Variants in BRCC3 observed in about 807,000 individuals in gnomAD.
BRCC3 encodes BRCA1/BRCA2-containing complex subunit 3, also known as lys-63-specific deubiquitinase BRCC36.
In BRCC3, 15 loss-of-function variants were observed where a neutral mutation model predicts 28.0. The ratio of observed to expected loss-of-function variants is 0.54; its 90% CI spans 0.36 to 0.82. BRCC3 has a LOEUF of 0.82. Among genes scored for constraint, BRCC3 ranks in the 40% least tolerant of loss-of-function variants. BRCC3 has a pLI of 0.01. For missense variants in BRCC3, 109 were observed against 225.9 expected, an observed-to-expected ratio of 0.48 and a Z score of 3.32; for synonymous variants, 66 against 80.3, an observed-to-expected ratio of 0.82 and a Z score of 0.95.
chrX:155,107,921 T>C (rs1325444907), intron 7 of BRCC3, among the ~76,000 whole-genome samples: 1 of 111,653 alleles, frequency 9.0e-6, no homozygotes, highest in Non-Finnish European at 1.9e-5. Flanking sequence ...TCAATTGAAG[T>C]GTAACATACA....
chrX:155,104,882 A>G (rs2074268464), intron 7 of BRCC3, among the ~76,000 whole-genome samples: 1 of 112,804 alleles, frequency 8.9e-6, no homozygotes, highest in African/African-American at 3.2e-5. Context: ...CATTTTGATG[A>G]GTTTGGACAT....
Position 155,078,714 on chromosome X carries a change from T to A in BRCC3, c.403+11T>A, listed in dbSNP as rs1320307960. The A allele has an allele frequency of 1.8e-6, 2 of 1,095,556 alleles. No homozygotes were observed. The highest frequency in any genetic ancestry group is 3.6e-5 in the African/African-American group (2 of 54,991). The allele number at this position is 1,095,556 out of a possible 1,213,427, so 90.3% of individuals were successfully genotyped here. On this transcript the variant is annotated intron_variant, in intron 5 of 10. Transcript: ENST00000330045. ...GGCCTTCACATGTTGGTAAGTATCA[T>A]GGGGTTGCAATGTTTATTGTTTTCA...
rs782315190 is a variant in BRCC3 at position 155,116,023 on chromosome X, G to T, written c.549-34G>T. On this transcript the variant is annotated intron_variant, in intron 7 of 10. Coordinates refer to ENST00000330045, the MANE Select transcript of BRCC3 (RefSeq NM_001018055.3). ...GAACTTCTGATTATAACAACTCAGG[G>T]TTTAAAAACTGACCTGAACTGATTG... is the stretch of plus-strand genomic sequence containing the variant. 2.3e-5 allele frequency: 27 copies of T among 1,191,532 alleles called. No homozygotes were observed. The South Asian group carries it at 3.8e-4, about 17-fold the overall frequency.
intron 7 of BRCC3, among the ~76,000 whole-genome samples, chrX:155,109,798 G>A (rs1325959898): frequency 9.0e-6 from 1 of 111,089 alleles, no homozygotes; most frequent in East Asian, 2.8e-4. Flanking sequence ...TACTGTCTCA[G>A]TCTTCCAGTA....
chrX:155,072,312 T>G lies in BRCC3; in HGVS notation c.124-15T>G, dbSNP rs368374029. On this transcript the variant is annotated splice_polypyrimidine_tract_variant and intron_variant, in intron 1 of 10. Transcript: ENST00000330045. ...TAATGTGATCAATAATGTTTTTTGC[T>G]TTTTCCCACTCTAGTTGAACGATGA... 49 of 1,194,137 alleles carry G rather than the reference T, an allele frequency of 4.1e-5. No homozygotes were observed. The highest frequency in any genetic ancestry group is 5.4e-5 in the Non-Finnish European group (48 of 881,251).
intron 3 of BRCC3, among the ~76,000 whole-genome samples, chrX:155,076,311 C>T (rs1340694827): frequency 9.0e-6 from 1 of 111,129 alleles, no homozygotes; most frequent in Non-Finnish European, 1.9e-5. Flanking sequence ...ATCGCTTGAA[C>T]CCAGGAGGTA....
chrX:155,073,385 C>G lies in BRCC3; in HGVS notation c.149C>G (p.Ser50Cys). Residue 50 changes from serine (S) to cysteine (C), a missense_variant, in exon 3 of 11, where the codon TCC (serine) becomes TGC (cysteine). Physicochemically the swap from Ser to Cys is moderately radical, Grantham distance 112. Around this residue, in one of 3 missense-constraint regions of BRCC3, gnomAD observed 58 missense variants for 92.8 expected, o/e 0.63. Coordinates refer to ENST00000330045, the MANE Select transcript of BRCC3 (RefSeq NM_001018055.3). ...GELNDDTRSD[S>C]KFAYTGTEMR... ...TAATTTATTCCCAGTAGGAGTGACT[C>G]CAAATTTGCATATACTGGAACTGAA... The G allele has an allele frequency of 8.6e-7, 1 of 1,167,319 alleles. No homozygotes were observed. The highest frequency in any genetic ancestry group is 1.9e-5 in the South Asian group (1 of 52,645).
At chrX:155,109,530 A>T (rs1161386560) in intron 7 of BRCC3, among the ~76,000 whole-genome samples, 1 of 111,892 alleles carries the variant, frequency 8.9e-6, no homozygotes, top group Non-Finnish European at 1.9e-5. Context: ...TTGGTGTTTT[A>T]TGTTATTGTA....
intron 7 of BRCC3, among the ~76,000 whole-genome samples, chrX:155,097,814 G>A (rs1557296435): frequency 8.9e-6 from 1 of 111,855 alleles, no homozygotes; most frequent in African/African-American, 3.3e-5. Context: ...GGTTAACACG[G>A]TGAAACCCCA....
chrX:155,118,369 A>G (rs1186955174), intron 9 of BRCC3, among the ~76,000 whole-genome samples: 9 of 111,613 alleles, frequency 8.1e-5, no homozygotes, highest in Non-Finnish European at 1.5e-4. Flanking sequence ...AAACTAATCT[A>G]TGGTGTGGTA....
At chrX:155,100,106 A>C (rs2124284002) in intron 7 of BRCC3, among the ~76,000 whole-genome samples, 1 of 111,636 alleles carries the variant, frequency 9.0e-6, no homozygotes, top group East Asian at 2.8e-4. Flanking sequence ...CCTCACCCAG[A>C]TTCCCCAAAT....
At chrX:155,119,602 C>T (rs1557299173) in intron 9 of BRCC3, among the ~76,000 whole-genome samples, 2 of 112,174 alleles carry the variant, frequency 1.8e-5, no homozygotes, top group South Asian at 3.7e-4. Flanking sequence ...GCTCTGGAAA[C>T]GTAAGTTGCA....
chrX:155,116,245 T>TTCTGTCCTTTTCTC (rs2074354844), intron 8 of BRCC3, 57 bp downstream of exon 8: 1 of 1,086,997 alleles, frequency 9.2e-7, no homozygotes, highest in African/African-American at 1.9e-5. Flanking sequence ...TCTCTTTTCT[T>TTCTGTCCTTTTCTC]CTTCTGTCCT....
chrX:155,089,521 G>A (rs2074160962), intron 6 of BRCC3, among the ~76,000 whole-genome samples, 170 bp downstream of exon 6: 1 of 111,283 alleles, frequency 9.0e-6, no homozygotes, highest in African/African-American at 3.3e-5. Flanking sequence ...AACAAGTCTT[G>A]TGGATTTCTT....
chrX:155,099,186 T>G (rs3085608), intron 7 of BRCC3: 93 of 151,368 alleles, frequency 6.1e-4, no homozygotes, highest in Middle Eastern at 4.9e-3. Context: ...ATTAGAAATG[T>G]TTTTTTTTTT....
chrX:155,084,297 T>C (rs973641508), intron 5 of BRCC3, among the ~76,000 whole-genome samples: 1 of 112,450 alleles, frequency 8.9e-6, no homozygotes, highest in African/African-American at 3.2e-5. Context: ...CCTGTAGTTA[T>C]GTTCCTCATT....
rs782264929 is a variant in BRCC3, at chrX:155,073,368, T to C, written c.141-9T>C. On this transcript the variant is annotated splice_polypyrimidine_tract_variant and intron_variant, in intron 2 of 10. Transcript: ENST00000330045. ...CTTCCTTTTTTTTTTTCTAATTTAT[T>C]CCCAGTAGGAGTGACTCCAAATTTG... 8.7e-5 allele frequency: 101 copies of C among 1,160,720 alleles called. No homozygotes were observed. The South Asian group carries it at 1.9e-3, about 22-fold the overall frequency.
chrX:155,102,640 G>C (rs371318829), intron 7 of BRCC3, among the ~76,000 whole-genome samples: 1 of 111,390 alleles, frequency 9.0e-6, no homozygotes, highest in Non-Finnish European at 1.9e-5. Context: ...TGGTAAGAGC[G>C]GTCATGGTAA....
At chrX:155,099,218 G>A in intron 7 of BRCC3, 1 of 805,914 alleles carries the variant, frequency 1.2e-6, no homozygotes, top group Non-Finnish European at 1.6e-6. Context: ...AAAGAAGTCT[G>A]GAGATGGATA....
Sources: allele counts gnomAD v4.1 joint callset (sites outside exome capture counted in the v4.1 genomes callset), GRCh38; gene constraint gnomAD v4.1.1; regional missense constraint gnomAD v4.1.1; transcripts MANE v1.5; gene names NCBI Gene and HGNC (gene_info 2026-07-23, HGNC 2026-07-21).